Variants in RBM20 observed in about 807,000 individuals in gnomAD.
The protein encoded by RBM20 is RNA binding motif protein 20.
In RBM20, 51 loss-of-function variants were observed where a neutral mutation model predicts 110.1. That is an observed-to-expected ratio of 0.46 (90% confidence interval 0.37 to 0.59). The LOEUF is 0.59. Ranked by LOEUF, RBM20 falls within the 20% of genes least tolerant of loss-of-function variation. The probability of loss-of-function intolerance (pLI) is 0.00; values close to 1 mark genes in which losing one functional copy is unlikely to be tolerated. For missense variants in RBM20, 1,512 were observed against 1,574.9 expected (o/e 0.96, Z 0.68); for synonymous variants, 589 against 618.2 (o/e 0.95, Z 0.70).
chr10:110,671,099 CG>C (rs1862251455), intron 1 of RBM20, among the ~76,000 whole-genome samples: 1 of 152,196 alleles, frequency 6.6e-6, no homozygotes, highest in South Asian at 2.1e-4. Flanking sequence ...GGCCTAGAAA[CG>C]TCTCCAATCA....
intron 8 of RBM20, among the ~76,000 whole-genome samples, chr10:110,811,218 A>G (rs767365861): frequency 2.2e-4 from 33 of 152,054 alleles, no homozygotes; most frequent in Non-Finnish European, 3.7e-4. Context: ...TTCCCCCATG[A>G]TGGTCAAGGC....
At chr10:110,712,634 G>A (rs558417133) in intron 1 of RBM20, among the ~76,000 whole-genome samples, 40 of 152,314 alleles carry the variant, frequency 2.6e-4, no homozygotes, top group Admixed American at 8.5e-4. Flanking sequence ...GGGCGTGGCA[G>A]TGCCTGCCTT....
upstream of RBM20, among the ~76,000 whole-genome samples, chr10:110,643,897 C>A (rs1035532358): frequency 1.3e-5 from 2 of 152,310 alleles, no homozygotes; most frequent in Non-Finnish European, 2.9e-5. Flanking sequence ...ACGGGCGATG[C>A]GCGCGGACGT....
chr10:110,784,529 C>T, intron 4 of RBM20, 97 bp downstream of exon 4: 1 of 909,382 alleles, frequency 1.1e-6, no homozygotes, highest in Non-Finnish European at 1.8e-6. Flanking sequence ...TCCCTGATGT[C>T]CCCTTCTCAC....
intron 1 of RBM20, among the ~76,000 whole-genome samples, chr10:110,776,498 A>G (rs1844266162): frequency 6.6e-6 from 1 of 152,176 alleles, no homozygotes; most frequent in Admixed American, 6.5e-5. Context: ...CTAGTTTCTA[A>G]GAGGCTTCCT....
upstream of RBM20, among the ~76,000 whole-genome samples, chr10:110,644,056 G>A (rs1010471882): frequency 3.9e-5 from 6 of 152,192 alleles, no homozygotes; most frequent in Admixed American, 3.9e-4. The surrounding 1 kb of genome is among the most constrained non-coding windows in gnomAD (Gnocchi z 4.3). Flanking sequence ...TCCTCACGCG[G>A]TATGCTGCGC....
chr10:110,801,255 C>T (rs1029541247), intron 7 of RBM20, among the ~76,000 whole-genome samples: 4 of 151,918 alleles, frequency 2.6e-5, no homozygotes, highest in East Asian at 1.9e-4. Flanking sequence ...GGTGAAACCC[C>T]GTCTCTACTA....
In RBM20 at chr10:110,740,297, A is replaced by G. The variant is rs373690319; in HGVS notation, c.192-40504A>G. Among the ~76,000 whole-genome samples, 12 of 152,316 alleles carry G rather than the reference A, an allele frequency of 7.9e-5. No homozygotes were observed. In the East Asian group the frequency reaches 2.3e-3, roughly 29 times the overall value. ...TGTTTCTGATGAGACCATCTAGTGT[A>G]GGTCAAAAGGACTGTGTCGGAGATA... is the stretch of plus-strand genomic sequence containing the variant. On this transcript the variant is annotated intron_variant, in intron 1 of 13. Transcript: ENST00000369519.
At chr10:110,669,863 T>G (rs1186318521) in intron 1 of RBM20, among the ~76,000 whole-genome samples, 2 of 152,244 alleles carry the variant, frequency 1.3e-5, no homozygotes, top group African/African-American at 4.8e-5. Context: ...TAAAAGGTAC[T>G]CTACTGGCTT....
intron 1 of RBM20, among the ~76,000 whole-genome samples, chr10:110,657,711 C>T (rs996275274): frequency 6.6e-6 from 1 of 152,190 alleles, no homozygotes; most frequent in Admixed American, 6.5e-5. Flanking sequence ...AGTGCAAACT[C>T]TTTATCCATC....
chr10:110,665,923 C>T (rs1280547813), intron 1 of RBM20, among the ~76,000 whole-genome samples: 1 of 151,152 alleles, frequency 6.6e-6, no homozygotes, highest in Non-Finnish European at 1.5e-5. Flanking sequence ...CGAGACCAGC[C>T]TGGACAACAT....
At chr10:110,678,530 G>A (rs927811029) in intron 1 of RBM20, among the ~76,000 whole-genome samples, 2 of 152,156 alleles carry the variant, frequency 1.3e-5, no homozygotes, top group African/African-American at 4.8e-5. Context: ...GTTCATTTCT[G>A]GGAAGGTACA....
chr10:110,716,149 C>A (rs1863012781), intron 1 of RBM20, among the ~76,000 whole-genome samples: 1 of 152,220 alleles, frequency 6.6e-6, no homozygotes, highest in Admixed American at 6.5e-5. Context: ...ATTTAGGCAT[C>A]CTCTGTGTGA....
chr10:110,704,035 C>T (rs1862798211), intron 1 of RBM20, among the ~76,000 whole-genome samples: 1 of 152,202 alleles, frequency 6.6e-6, no homozygotes, highest in Non-Finnish European at 1.5e-5. Context: ...TCACTTGAAC[C>T]AGCAAAGTGG....
intron 1 of RBM20, among the ~76,000 whole-genome samples, chr10:110,647,235 G>C (rs1337579624): frequency 6.6e-6 from 1 of 152,186 alleles, no homozygotes; most frequent in Non-Finnish European, 1.5e-5. Context: ...CATTTACAAA[G>C]ATAAACACAT....
At chr10:110,734,930 G>A (rs555581265) in intron 1 of RBM20, among the ~76,000 whole-genome samples, 7 of 152,234 alleles carry the variant, frequency 4.6e-5, no homozygotes, top group East Asian at 1.9e-4. Context: ...TCTGAGTGGC[G>A]TGATGAAATC....
chr10:110,673,490 G>C (rs577781149), intron 1 of RBM20, among the ~76,000 whole-genome samples: 44 of 152,318 alleles, frequency 2.9e-4, no homozygotes, highest in African/African-American at 1.1e-3. Flanking sequence ...GATCACAGGC[G>C]TGAGCCACCA....
chr10:110,794,296 G>A (rs1844521185), intron 5 of RBM20, among the ~76,000 whole-genome samples: 1 of 152,060 alleles, frequency 6.6e-6, no homozygotes, highest in Admixed American at 6.5e-5. Flanking sequence ...TCAGATCAAT[G>A]GCAGAAAAGA....
chr10:110,777,159 C>T (rs7922020), intron 1 of RBM20, among the ~76,000 whole-genome samples: 128,265 of 152,168 alleles, frequency 0.84, 54,520 homozygotes, highest in Non-Finnish European at 0.89. Context: ...CTCCAAGACA[C>T]ACTCCTTTCT....
Sources: allele counts gnomAD v4.1 joint callset (sites outside exome capture counted in the v4.1 genomes callset), GRCh38; gene constraint gnomAD v4.1.1; non-coding constraint Gnocchi (gnomAD v3.1); transcripts MANE v1.5; gene names NCBI Gene and HGNC (gene_info 2026-07-23, HGNC 2026-07-21).